ADGRL3: variants seen among roughly 807,000 people sequenced by gnomAD.
The protein encoded by ADGRL3 is calcium-independent alpha-latrotoxin receptor 3.
A neutral mutation model predicts 153.5 loss-of-function variants in ADGRL3; 62 were observed. That is an observed-to-expected ratio of 0.40 (90% CI 0.33 to 0.50). The LOEUF is 0.50. ADGRL3 is among the 20% of genes least tolerant of loss of function. The pLI is 0.47. For missense variants in ADGRL3, 1,641 were observed against 1,859.4 expected (o/e 0.88, Z 2.16); for synonymous variants, 710 against 672.5 (o/e 1.06, Z -0.86).
intron 1 of ADGRL3, among the ~76,000 whole-genome samples, chr4:61,331,574 C>T (rs1038863429): frequency 3.3e-5 from 5 of 151,974 alleles, no homozygotes; most frequent in Admixed American, 2.0e-4. Flanking sequence ...ATTATTGATA[C>T]TTTGTCTGTC....
At chr4:62,057,942 G>A (rs1396294752) in intron 25 of ADGRL3, among the ~76,000 whole-genome samples, 2 of 152,134 alleles carry the variant, frequency 1.3e-5, no homozygotes, top group African/African-American at 4.8e-5. Context: ...GCCTCCCAAA[G>A]TGCTGGGATT....
At chr4:61,809,072 C>G (rs1245623669) in intron 8 of ADGRL3, among the ~76,000 whole-genome samples, 2 of 151,874 alleles carry the variant, frequency 1.3e-5, no homozygotes, top group African/African-American at 4.8e-5. Flanking sequence ...TAATCATGAT[C>G]AACAGTTGAA....
At chr4:61,878,346 T>G (rs1382470621) in intron 9 of ADGRL3, among the ~76,000 whole-genome samples, 1 of 152,192 alleles carries the variant, frequency 6.6e-6, no homozygotes, top group Non-Finnish European at 1.5e-5. Flanking sequence ...ATTGAGCCCA[T>G]AACAGGTGAA....
chr4:61,308,502 C>A (rs1396491284), intron 1 of ADGRL3, among the ~76,000 whole-genome samples: 1 of 152,136 alleles, frequency 6.6e-6, no homozygotes, highest in Non-Finnish European at 1.5e-5. Flanking sequence ...TTCCTTAGGG[C>A]ACACTTACTA....
chr4:61,309,132 C>G (rs2094908586), intron 1 of ADGRL3, among the ~76,000 whole-genome samples: 1 of 152,140 alleles, frequency 6.6e-6, no homozygotes, highest in South Asian at 2.1e-4. Context: ...CTAATTTCGA[C>G]TTAATTTTCT....
Position 61,998,246 on chromosome 4 carries a change from G to T in ADGRL3, c.3376G>T (p.Gly1126Cys). ...HHTAILKPESGCLDNINYEDN... is the reference protein window; with the variant it reads ...HHTAILKPESCCLDNINYEDN... ...TACTGCTATACTGAAACCTGAATCA[G>T]GCTGTCTTGATAACATCAAGTAAGT... The change falls in exon 21 of 27, where the codon GGC becomes TGC. Residue 1126 changes from glycine (G) to cysteine (C), a missense_variant. Around this residue, in one of 5 missense-constraint regions of ADGRL3, gnomAD observed 517 missense variants for 555.0 expected, o/e 0.93. Transcript: ENST00000683033. 1 of 1,574,476 alleles carries T rather than the reference G, an allele frequency of 6.4e-7. No individual in the cohort carries two copies. The highest frequency in any genetic ancestry group is 8.6e-7 in the Non-Finnish European group (1 of 1,159,968).
chr4:61,652,343 T>C (rs2094290823), intron 5 of ADGRL3, among the ~76,000 whole-genome samples: 1 of 152,220 alleles, frequency 6.6e-6, no homozygotes, highest in Admixed American at 6.5e-5. Context: ...GTCTGAAGAT[T>C]AAAGATACAT....
intron 3 of ADGRL3, among the ~76,000 whole-genome samples, chr4:61,502,847 T>G (rs892919987): frequency 2.6e-5 from 4 of 152,248 alleles, no homozygotes; most frequent in Non-Finnish European, 5.9e-5. Flanking sequence ...TCAGGTTGAC[T>G]TCTAAGCTCT....
At chr4:61,561,056 C>G (rs1365671039) in intron 4 of ADGRL3, among the ~76,000 whole-genome samples, 1 of 151,998 alleles carries the variant, frequency 6.6e-6, no homozygotes, top group Non-Finnish European at 1.5e-5. Context: ...GATGAATGTG[C>G]ATTATTAATA....
rs1225717584 is a variant in ADGRL3, at chr4:62,075,099, A to G, written c.*4191A>G. 1 of 152,152 alleles carries G rather than the reference A, an allele frequency of 6.6e-6. No individual in the cohort carries two copies. The highest frequency in any genetic ancestry group is 1.5e-5 in the Non-Finnish European group (1 of 68,018). 9.4% of individuals were successfully genotyped at this position (152,152 alleles called of 1,614,324 possible). ...TTTTCTAAAGATCAACTCCAGACTAATCTATATCATCCCCTAATAATGAAA... is the reference window on the plus strand; with the variant it reads ...TTTTCTAAAGATCAACTCCAGACTAGTCTATATCATCCCCTAATAATGAAA... On this transcript the variant is annotated 3_prime_UTR_variant, in exon 27 of 27. Transcript: ENST00000683033.
chr4:61,333,919 A>ATTT (rs67240071), intron 1 of ADGRL3, among the ~76,000 whole-genome samples: 1 of 138,880 alleles, frequency 7.2e-6, no homozygotes, highest in African/African-American at 2.7e-5. Context: ...CCCTGCCTGT[A>ATTT]TTTTTTTTTT....
intron 2 of ADGRL3, among the ~76,000 whole-genome samples, chr4:61,424,534 A>G (rs6824906): frequency 0.47 from 71,846 of 151,950 alleles, 17,222 homozygotes; most frequent in Middle Eastern, 0.59. Flanking sequence ...GTGGGGGGTC[A>G]TTAGTAAGGC....
In ADGRL3 at chr4:61,909,183, A is replaced by T. The variant is rs544898939; in HGVS notation, c.1888-377A>T. The stretch of plus-strand genomic sequence containing the variant: ...AAACCAGACACAAAGGAAAATTTGC[A>T]CTTGCCTCTGAGAACTTACAATGTG... On this transcript the variant is annotated intron_variant, in intron 11 of 26. Coordinates refer to ENST00000683033, the MANE Select transcript of ADGRL3 (RefSeq NM_001387552.1). Among the ~76,000 whole-genome samples, 13 of 152,332 alleles carry T rather than the reference A, an allele frequency of 8.5e-5. No homozygotes were observed. In the East Asian group the frequency reaches 2.5e-3, roughly 29 times the overall value.
At chr4:61,212,287 T>G (rs939424319) in intron 1 of ADGRL3, 5 of 152,248 alleles carry the variant, frequency 3.3e-5, no homozygotes, top group African/African-American at 1.2e-4. Context: ...GTTTGAGACA[T>G]CTAATTATTT....
At position 62,031,571 on chromosome 4, in the gene ADGRL3, A is replaced by G; in HGVS notation, c.3552A>G (p.Gly1184=). 6.2e-7 allele frequency: 1 copy of G among 1,609,918 alleles called. No individual in the cohort carries two copies. The highest frequency in any genetic ancestry group is 8.5e-7 in the Non-Finnish European group (1 of 1,177,112). The change falls in exon 23 of 27, where the codon GGA becomes GGG. Residue 1184 remains glycine (G), a synonymous_variant. Coordinates refer to ENST00000683033, the MANE Select transcript of ADGRL3 (RefSeq NM_001387552.1). ...YLFTIFNSLQ[G]MFIFIFHCVL... is the part of the protein sequence containing the mutation. ...TCACCATTTTCAATTCTCTACAGGG[A>G]ATGTTTATATTTATTTTCCATTGTG...
chr4:61,521,098 G>C (rs1172026099), intron 4 of ADGRL3, among the ~76,000 whole-genome samples: 1 of 152,112 alleles, frequency 6.6e-6, no homozygotes, highest in Non-Finnish European at 1.5e-5. Flanking sequence ...TGTAACAGAG[G>C]CAATACTAGG....
chr4:61,233,957 T>A (rs1577932224), intron 1 of ADGRL3, among the ~76,000 whole-genome samples: 1 of 152,064 alleles, frequency 6.6e-6, no homozygotes, highest in Admixed American at 6.6e-5. Flanking sequence ...GAGAGGATGG[T>A]GATGTCATTT....
intron 6 of ADGRL3, among the ~76,000 whole-genome samples, chr4:61,719,601 T>TA (rs1464461773): frequency 7.8e-6 from 1 of 127,478 alleles, no homozygotes; most frequent in Non-Finnish European, 1.6e-5. Flanking sequence ...ACCTCTGTCA[T>TA]ACCTTTTTTT....
At chr4:61,262,044 A>G (rs2092560106) in intron 1 of ADGRL3, among the ~76,000 whole-genome samples, 1 of 152,110 alleles carries the variant, frequency 6.6e-6, no homozygotes, top group Non-Finnish European at 1.5e-5. Context: ...ACTATGTTTC[A>G]AAGGTTTATT....
Sources: allele counts gnomAD v4.1 joint callset (sites outside exome capture counted in the v4.1 genomes callset), GRCh38; gene constraint gnomAD v4.1.1; regional missense constraint gnomAD v4.1.1; transcripts MANE v1.5; gene names NCBI Gene and HGNC (gene_info 2026-07-23, HGNC 2026-07-21).